Variants in ADPGK observed in about 807,000 individuals in gnomAD.
The protein encoded by ADPGK is ADP-dependent glucokinase.
In ADPGK, 26 loss-of-function variants were observed where a neutral mutation model predicts 42.4. The ratio of observed to expected loss-of-function variants is 0.61; its 90% CI spans 0.45 to 0.85. ADPGK has a LOEUF of 0.85. Among genes scored for constraint, ADPGK ranks in the 40% least tolerant of loss-of-function variants. The pLI is 0.00. For missense variants in ADPGK, 571 were observed against 627.0 expected (o/e 0.91, Z 0.95); for synonymous variants, 267 against 252.6 (o/e 1.06, Z -0.54).
intron 1 of ADPGK, among the ~76,000 whole-genome samples, chr15:72,775,833 A>G (rs187664157): frequency 1.2e-4 from 18 of 152,148 alleles, no homozygotes; most frequent in Non-Finnish European, 2.4e-4. Flanking sequence ...GGTTGTCTCG[A>G]TGGAAATTAT....
Position 72,781,756 on chromosome 15 carries a change from T to C in ADPGK, c.233+1703A>G, listed in dbSNP as rs187548968. 5.3e-5 allele frequency among the ~76,000 whole-genome samples: 8 copies of C among 152,326 alleles called. No homozygotes were observed. The South Asian group carries it at 1.2e-3, about 24-fold the overall frequency. ...GTTCCTCTTCTAACCATAATTGTTA[T>C]GGATTGAATTGTCCACCCCCCACCA... is the stretch of plus-strand genomic sequence containing the variant. On this transcript the variant is annotated intron_variant, in intron 1 of 6. Coordinates refer to ENST00000456471, the MANE Select transcript of ADPGK (RefSeq NM_001365225.1).
intron 1 of ADPGK, among the ~76,000 whole-genome samples, chr15:72,780,520 G>A (rs932738789): frequency 1.4e-4 from 22 of 152,140 alleles, no homozygotes; most frequent in African/African-American, 4.8e-4. Context: ...TACTGGGCTG[G>A]GTGTGGAATC....
intron 3 of ADPGK, among the ~76,000 whole-genome samples, chr15:72,765,214 TCTC>T (rs1426480485): frequency 6.6e-6 from 1 of 152,164 alleles, no homozygotes; most frequent in African/African-American, 2.4e-5. Flanking sequence ...AGTGGCACGA[TCTC>T]AGCCCACTGC....
At chr15:72,758,237 C>G in intron 4 of ADPGK, 1 of 1,003,288 alleles carries the variant, frequency 1.0e-6, no homozygotes, top group Non-Finnish European at 1.6e-6. Context: ...GGATCTAATT[C>G]TGCCTGTAAT....
chr15:72,774,085 C>G (rs944312561), intron 2 of ADPGK, among the ~76,000 whole-genome samples: 2 of 152,308 alleles, frequency 1.3e-5, no homozygotes, highest in East Asian at 3.9e-4. Flanking sequence ...TCAAGCAATC[C>G]ACCTGCCTCA....
rs150565079 is a variant in ADPGK, at chr15:72,752,806, G to C, written c.1029C>G (p.Leu343=). The change falls in exon 7 of 7, where the codon CTC becomes CTG. Residue 343 remains leucine, a synonymous_variant. Transcript: ENST00000456471. ...CATCAGGAACACCGTTCCAGGAAGA[G>C]AGAGAAGAGTGAGGTCCAGAGGCTG... ...TQSASGPHSS[L]SSWNGVPDVG... 498 of 1,614,258 alleles carry C rather than the reference G, an allele frequency of 3.1e-4. 5 individuals carry two copies. In the South Asian group the frequency reaches 3.6e-3, roughly 12 times the overall value.
intron 1 of ADPGK, 41 bp downstream of exon 1, chr15:72,783,418 G>T: frequency 1.5e-6 from 2 of 1,323,552 alleles, no homozygotes; most frequent in South Asian, 4.1e-5. Flanking sequence ...CTCCAAGGCC[G>T]ACCTCGGAGG....
Position 72,755,600 on chromosome 15 carries a change from C to T in ADPGK, c.895G>A (p.Ala299Thr). The T allele has an allele frequency of 6.2e-7, 1 of 1,614,082 alleles. No individual in the cohort carries two copies. Among genetic ancestry groups the T allele is most frequent in the Non-Finnish European group, 8.5e-7 (1 of 1,179,986 alleles). Reference sequence around the variant, plus strand: ...ATGAGCTCCCTGTTAGTCATACTGGCCAGCTCTAGGTGAACTGGAATACCA... The same window carrying T: ...ATGAGCTCCCTGTTAGTCATACTGGTCAGCTCTAGGTGAACTGGAATACCA... The part of the protein sequence containing the change: ...PTGIPVHLEL[A>T]SMTNRELMSS... The change falls in exon 6 of 7, where the codon GCC becomes ACC. Residue 299 changes from alanine (A) to threonine (T), a missense_variant. Physicochemically the swap from Ala to Thr is moderately conservative, Grantham distance 58. Coordinates refer to ENST00000456471, the MANE Select transcript of ADPGK (RefSeq NM_001365225.1).
chr15:72,780,352 G>C (rs1292990459), intron 1 of ADPGK, among the ~76,000 whole-genome samples: 1 of 152,074 alleles, frequency 6.6e-6, no homozygotes, highest in East Asian at 1.9e-4. Flanking sequence ...TCATGAGAAC[G>C]AACTCACTAT....
chr15:72,765,829 C>G (rs2066251387), intron 3 of ADPGK, among the ~76,000 whole-genome samples: 1 of 152,034 alleles, frequency 6.6e-6, no homozygotes, highest in Non-Finnish European at 1.5e-5. Flanking sequence ...TATGGATGAA[C>G]AAAGAAAGTG....
At chr15:72,763,679 A>G (rs1313404340) in intron 3 of ADPGK, among the ~76,000 whole-genome samples, 1 of 152,174 alleles carries the variant, frequency 6.6e-6, no homozygotes, top group Non-Finnish European at 1.5e-5. Flanking sequence ...TTGGAGGGAG[A>G]GAAGTACAGG....
At position 72,752,632 on chromosome 15, in the gene ADPGK, T is replaced by C. The variant is rs373831948; in HGVS notation, c.1203A>G (p.Ala401=). Residue 401 remains alanine (A), a synonymous_variant, in exon 7 of 7, where the codon GCA becomes GCG. Coordinates refer to ENST00000456471, the MANE Select transcript of ADPGK (RefSeq NM_001365225.1). ...TVDGHWANQL[A]AVAAGARVAG... is the part of the protein sequence containing the mutation. Reference sequence around the variant, plus strand: ...CCACACGAGCTCCTGCAGCCACGGCTGCCAGCTGGTTGGCCCAGTGTCCAT... The same window carrying C: ...CCACACGAGCTCCTGCAGCCACGGCCGCCAGCTGGTTGGCCCAGTGTCCAT... 3.8e-5 allele frequency: 61 copies of C among 1,614,232 alleles called. No homozygotes were observed. The African/African-American group carries it at 8.1e-4, about 22-fold the overall frequency.
Position 72,752,803 on chromosome 15 carries a change from A to T in ADPGK, c.1032T>A (p.Ser344=), listed in dbSNP as rs368384650. 1 of 1,614,256 alleles carries T rather than the reference A, an allele frequency of 6.2e-7. No individual in the cohort carries two copies. The highest frequency in any genetic ancestry group is 1.3e-5 in the African/African-American group (1 of 75,074). Residue 344 remains serine (S), a synonymous_variant, in exon 7 of 7, where the codon TCT becomes TCA. Transcript: ENST00000456471. ...CCACATCAGGAACACCGTTCCAGGAAGAGAGAGAAGAGTGAGGTCCAGAGG... is the reference window on the plus strand; with the variant it reads ...CCACATCAGGAACACCGTTCCAGGATGAGAGAGAAGAGTGAGGTCCAGAGG... ...QSASGPHSSL[S]SWNGVPDVGM...
At position 72,752,480 on chromosome 15, in the gene ADPGK, A is replaced by G; in HGVS notation, c.1355T>C (p.Val452Ala). The G allele has an allele frequency of 6.2e-7, 1 of 1,614,180 alleles. No individual in the cohort carries two copies. Reference sequence around the variant, plus strand: ...TATTCCCTCTCTGTGCCATTCTACTACTGGCTTGTTTGGGTTTAATACAAT... The same window carrying G: ...TATTCCCTCTCTGTGCCATTCTACTGCTGGCTTGTTTGGGTTTAATACAAT... Reference protein sequence around the residue: ...SRIVLNPNKPVVEWHREGISF... With the variant: ...SRIVLNPNKPAVEWHREGISF... Residue 452 changes from valine to alanine, a missense_variant, in exon 7 of 7, where the codon GTA becomes GCA. By Grantham distance (64) the Val-to-Ala change is moderately conservative. Coordinates refer to ENST00000456471, the MANE Select transcript of ADPGK (RefSeq NM_001365225.1).
At chr15:72,754,095 CAA>C (rs78247014) in intron 6 of ADPGK, among the ~76,000 whole-genome samples, 2 of 119,534 alleles carry the variant, frequency 1.7e-5, no homozygotes, top group Admixed American at 8.5e-5. Context: ...TGAAGTCTAT[CAA>C]AAAAAAAAAA....
At chr15:72,770,306 C>T (rs1285257510) in intron 3 of ADPGK, among the ~76,000 whole-genome samples, 1 of 152,226 alleles carries the variant, frequency 6.6e-6, no homozygotes, top group East Asian at 1.9e-4. Context: ...TATTAGAATG[C>T]CTTCCAATCA....
chr15:72,768,966 CCTGT>C lies in ADPGK; in HGVS notation c.522+2813_522+2816del, dbSNP rs1260116285. ...TCCAGCCTGGATGACAAGGCCAGAT[CCTGT>C]CTCTCAAAAAAAAAAAAAAAATTGA... On this transcript the variant is annotated intron_variant, in intron 3 of 6. Coordinates refer to ENST00000456471, the MANE Select transcript of ADPGK (RefSeq NM_001365225.1). 5.1e-5 allele frequency among the ~76,000 whole-genome samples: 6 copies of C among 117,624 alleles called. 1 individual carries two copies. The highest frequency in any genetic ancestry group is 3.0e-4 in the Admixed American group (3 of 9,872). 77.2% of individuals were successfully genotyped at this position (117,624 alleles called of 152,430 possible).
intron 3 of ADPGK, among the ~76,000 whole-genome samples, chr15:72,769,954 T>C (rs1374522712): frequency 1.3e-5 from 2 of 152,206 alleles, no homozygotes; most frequent in Non-Finnish European, 2.9e-5. Context: ...CTTAAAACAG[T>C]GCCTGGTATA....
chr15:72,758,707 AC>A (rs2066148916), intron 4 of ADPGK: 1 of 156,926 alleles, frequency 6.4e-6, no homozygotes, highest in Non-Finnish European at 1.4e-5. Flanking sequence ...TTAACTACAT[AC>A]GAGGCACAGC....
Sources: allele counts gnomAD v4.1 joint callset (sites outside exome capture counted in the v4.1 genomes callset), GRCh38; gene constraint gnomAD v4.1.1; transcripts MANE v1.5; gene names NCBI Gene and HGNC (gene_info 2026-07-23, HGNC 2026-07-21).